AKAP12: variants seen among roughly 807,000 people sequenced by gnomAD.
The protein encoded by AKAP12 is A-kinase anchor protein 12.
Under a neutral mutation model 79.9 loss-of-function variants are expected in AKAP12, and 32 were observed. The ratio of observed to expected loss-of-function variants is 0.40; its 90% confidence interval spans 0.30 to 0.54. The LOEUF (loss-of-function observed/expected upper bound fraction) is 0.54. AKAP12 is among the 20% of genes least tolerant of loss of function. The pLI, the probability that AKAP12 is intolerant of heterozygous loss-of-function variation, is 0.48. For synonymous variants in AKAP12, 808 were observed against 857.0 expected, an observed-to-expected ratio of 0.94 and a Z score of 1.00; for missense variants, 2,074 against 2,177.0, an observed-to-expected ratio of 0.95 and a Z score of 0.94.
chr6:151,355,241 G>A (rs941809034), intron 4 of AKAP12, among the ~76,000 whole-genome samples: 9 of 151,262 alleles, frequency 5.9e-5, no homozygotes, highest in African/African-American at 7.3e-5. Flanking sequence ...TGCCCGCCTC[G>A]GCCTCCTAAA....
At chr6:151,327,981 C>T (rs1777570216) in intron 3 of AKAP12, among the ~76,000 whole-genome samples, 1 of 152,198 alleles carries the variant, frequency 6.6e-6, no homozygotes, top group African/African-American at 2.4e-5. Context: ...GATTCATAAT[C>T]ATCATCTTTA....
chr6:151,272,940 G>A (rs75997970), intron 2 of AKAP12, among the ~76,000 whole-genome samples: 17,547 of 152,138 alleles, frequency 0.12, 1,198 homozygotes, highest in East Asian at 0.28. Context: ...TTTTGAGACA[G>A]AGTCTTGCTC....
intron 2 of AKAP12, among the ~76,000 whole-genome samples, chr6:151,274,586 A>C (rs575460389): frequency 6.6e-6 from 1 of 152,364 alleles, no homozygotes; most frequent in East Asian, 1.9e-4. Context: ...ATCTTTAAGC[A>C]TTGTAAGTAT....
chr6:151,261,891 A>G (rs1420339919), intron 2 of AKAP12, among the ~76,000 whole-genome samples: 4 of 151,956 alleles, frequency 2.6e-5, no homozygotes, highest in Non-Finnish European at 5.9e-5. Flanking sequence ...TAAAAAACTC[A>G]CATGGGAGCA....
At chr6:151,339,130 C>T (rs1016809354) in intron 3 of AKAP12, among the ~76,000 whole-genome samples, 1 of 152,232 alleles carries the variant, frequency 6.6e-6, no homozygotes, top group African/African-American at 2.4e-5. Context: ...TTGCTGTCCA[C>T]ATTAGACATA....
chr6:151,282,701 C>T (rs1210127444), intron 2 of AKAP12, among the ~76,000 whole-genome samples: 1 of 152,170 alleles, frequency 6.6e-6, no homozygotes, highest in Non-Finnish European at 1.5e-5. Context: ...TTACTGCTCA[C>T]AGGGATTCTT....
chr6:151,350,929 G>C lies in AKAP12; in HGVS notation c.2538G>C (p.Val846=). ...ANEDDSDVPA[V]VPLSEYDAVE... ...AAGATGACTCTGATGTCCCGGCCGTGGTCCCTCTGTCTGAGTATGATGCTG... is the reference window on the plus strand; with the variant it reads ...AAGATGACTCTGATGTCCCGGCCGTCGTCCCTCTGTCTGAGTATGATGCTG... Residue 846 remains valine (V), a synonymous_variant, in exon 4 of 5, where the codon GTG becomes GTC. Coordinates refer to ENST00000402676, the MANE Select transcript of AKAP12 (RefSeq NM_005100.4). The surrounding 1 kb of genome is among the most constrained non-coding windows in gnomAD (Gnocchi z 4.8). 1 of 1,614,022 alleles carries C rather than the reference G, an allele frequency of 6.2e-7. No homozygotes were observed. The highest frequency in any genetic ancestry group is 1.3e-5 in the African/African-American group (1 of 74,996).
At chr6:151,304,993 A>ATG (rs1713107128) in intron 2 of AKAP12, among the ~76,000 whole-genome samples, 1 of 152,118 alleles carries the variant, frequency 6.6e-6, no homozygotes, top group Non-Finnish European at 1.5e-5. Flanking sequence ...GACATGTTAT[A>ATG]TGTGTCTTGT....
At chr6:151,345,893 A>ATGTGTGTGTGTGTG (rs1485991559) in intron 3 of AKAP12, among the ~76,000 whole-genome samples, 1 of 82,354 alleles carries the variant, frequency 1.2e-5, no homozygotes, top group East Asian at 3.2e-4. Context: ...ATGTGTGTGT[A>ATGTGTGTGTGTGTG]TATGTGTGTG....
At chr6:151,320,980 TTTTC>T (rs58636796) in intron 3 of AKAP12, among the ~76,000 whole-genome samples, 11 of 151,080 alleles carry the variant, frequency 7.3e-5, no homozygotes, top group Admixed American at 1.3e-4. Context: ...GGACATTTTC[TTTTC>T]TTTCTTTCTT....
chr6:151,290,564 C>A (rs1410721959), intron 2 of AKAP12, among the ~76,000 whole-genome samples: 2 of 152,082 alleles, frequency 1.3e-5, no homozygotes, highest in Non-Finnish European at 2.9e-5. Flanking sequence ...GGCCAGCTTC[C>A]TCTCCCATCC....
rs148345715 is a variant in AKAP12, at chr6:151,266,451, G to A, written c.162+25727G>A. On this transcript the variant is annotated intron_variant, in intron 2 of 4. Coordinates refer to ENST00000402676, the MANE Select transcript of AKAP12 (RefSeq NM_005100.4). ...ACTTGAAGATGGCGTAAGGAGGAAG[G>A]CACTGGATCTGTGGAAGGACAGAGG... Among the ~76,000 whole-genome samples the A allele has an allele frequency of 3.9e-5, 6 of 152,290 alleles. 1 individual carries two copies. The highest frequency in any genetic ancestry group is 7.4e-5 in the Non-Finnish European group (5 of 68,022).
At chr6:151,270,601 T>C (rs1776161711) in intron 2 of AKAP12, among the ~76,000 whole-genome samples, 1 of 152,226 alleles carries the variant, frequency 6.6e-6, no homozygotes. Flanking sequence ...CTTGAGGAAC[T>C]GGCAGACTTT....
chr6:151,271,369 T>C (rs567078095), intron 2 of AKAP12, among the ~76,000 whole-genome samples: 68 of 150,740 alleles, frequency 4.5e-4, no homozygotes, highest in Non-Finnish European at 2.1e-4. Context: ...TCGCCCAGGC[T>C]ACAGTAAAAT....
At chr6:151,315,038 T>G (rs1426880589) in intron 3 of AKAP12, among the ~76,000 whole-genome samples, 4 of 143,184 alleles carry the variant, frequency 2.8e-5, no homozygotes, top group Non-Finnish European at 6.0e-5. Flanking sequence ...GGCAACAGAG[T>G]GAGACTCTGT....
chr6:151,325,962 A>G, intron 3 of AKAP12: 7 of 1,607,622 alleles, frequency 4.4e-6, no homozygotes, highest in Non-Finnish European at 6.0e-6. Context: ...TCTTCCGTTG[A>G]ATGAGCGTTT....
In AKAP12 at chr6:151,349,231, T is replaced by C; in HGVS notation, c.840T>C (p.Ser280=). ...EEKQEKEPSK[S]AESPTSPVTS... ...AACAAGAAAAAGAACCTAGCAAGTC[T>C]GCAGAATCTCCGACTAGTCCCGTGA... Residue 280 remains serine, a synonymous_variant, in exon 4 of 5, where the codon TCT becomes TCC. Coordinates refer to ENST00000402676, the MANE Select transcript of AKAP12 (RefSeq NM_005100.4). 1 of 1,613,816 alleles carries C rather than the reference T, an allele frequency of 6.2e-7. No individual in the cohort carries two copies. Among genetic ancestry groups the C allele is most frequent in the Non-Finnish European group, 8.5e-7 (1 of 1,179,986 alleles).
chr6:151,258,288 G>A (rs1797341643), intron 2 of AKAP12, among the ~76,000 whole-genome samples: 1 of 152,202 alleles, frequency 6.6e-6, no homozygotes, highest in South Asian at 2.1e-4. Context: ...CAAGTAAAGG[G>A]AAATGTCACG....
At chr6:151,275,605 T>C (rs1290136196) in intron 2 of AKAP12, among the ~76,000 whole-genome samples, 1 of 152,210 alleles carries the variant, frequency 6.6e-6, no homozygotes, top group Non-Finnish European at 1.5e-5. Flanking sequence ...ACAGTCTTTT[T>C]TTATCAGAAT....
Sources: allele counts gnomAD v4.1 joint callset (sites outside exome capture counted in the v4.1 genomes callset), GRCh38; gene constraint gnomAD v4.1.1; non-coding constraint Gnocchi (gnomAD v3.1); transcripts MANE v1.5; gene names NCBI Gene and HGNC (gene_info 2026-07-23, HGNC 2026-07-21).